TRMT61B: variants seen among roughly 807,000 people sequenced by gnomAD.
TRMT61B encodes the protein tRNA methyltransferase 61B.
A neutral mutation model predicts 52.0 loss-of-function variants in TRMT61B; 56 were observed. The observed-to-expected ratio is 1.08, with a 90% confidence interval of 0.87 to 1.35. The LOEUF is 1.35. TRMT61B is among the 40% of genes most tolerant of loss of function. TRMT61B has a pLI of 0.00. For missense variants in TRMT61B, 650 were observed against 577.9 expected, an observed-to-expected ratio of 1.12 and a Z score of -1.28; for synonymous variants, 206 against 220.0, an observed-to-expected ratio of 0.94 and a Z score of 0.56.
chr2:28,851,894 A>G (rs1484545706), intron 4 of TRMT61B, among the ~76,000 whole-genome samples: 4 of 149,440 alleles, frequency 2.7e-5, no homozygotes, highest in Non-Finnish European at 5.9e-5. Flanking sequence ...AAAAAAAAAA[A>G]AAAAAAACGA....
Position 28,869,789 on chromosome 2 carries a change from C to T in TRMT61B, c.489G>A (p.Glu163=). 6.2e-7 allele frequency: 1 copy of T among 1,614,176 alleles called. No individual in the cohort carries two copies. Among genetic ancestry groups the T allele is most frequent in the Non-Finnish European group, 8.5e-7 (1 of 1,180,018 alleles). Residue 163 remains glutamate (E), a synonymous_variant, in exon 1 of 7, where the codon GAG becomes GAA. Coordinates refer to ENST00000306108, the MANE Select transcript of TRMT61B (RefSeq NM_017910.4). ...ATAATTTCTTAAATTTTGTTTCTCCCTCCCCAGTCTCAGCTAAAATCAGTT... is the reference window on the plus strand; with the variant it reads ...ATAATTTCTTAAATTTTGTTTCTCCTTCCCCAGTCTCAGCTAAAATCAGTT... ...AGELILAETG[E]GETKFKKLFR...
chr2:28,866,424 T>C (rs1382874034), intron 1 of TRMT61B, among the ~76,000 whole-genome samples: 1 of 152,212 alleles, frequency 6.6e-6, no homozygotes, highest in East Asian at 1.9e-4. Flanking sequence ...TGGGATGAAA[T>C]TGTTCCACCT....
chr2:28,852,373 G>T, intron 4 of TRMT61B, 35 bp downstream of exon 4: 67 of 1,055,190 alleles, frequency 6.3e-5, no homozygotes, highest in Non-Finnish European at 8.4e-5. Flanking sequence ...GCACTTAAAA[G>T]TTACATTACA....
chr2:28,862,476 G>T (rs1400353797), intron 2 of TRMT61B, among the ~76,000 whole-genome samples: 1 of 150,960 alleles, frequency 6.6e-6, no homozygotes, highest in African/African-American at 2.4e-5. Flanking sequence ...GGGACGACAG[G>T]TGTGTGCCAC....
Position 28,851,282 on chromosome 2 carries a change from C to T in TRMT61B, c.1102G>A (p.Glu368Lys). ...VYVVNITQVI[E>K]LLDGIRTCEL... ...CAGGTGCGAATTCCATCTAAAAGTT[C>T]AATAACCTGTGTGATGCTTTCAGAA... Residue 368 changes from glutamate (E) to lysine (K), a missense_variant, in exon 5 of 7, where the codon GAA (glutamate) becomes AAA (lysine). Transcript: ENST00000306108. The T allele has an allele frequency of 6.2e-7, 1 of 1,610,656 alleles. No individual in the cohort carries two copies. Among genetic ancestry groups the T allele is most frequent in the Non-Finnish European group, 8.5e-7 (1 of 1,178,634 alleles).
Position 28,849,866 on chromosome 2 carries a change from A to G in TRMT61B, c.*333T>C, listed in dbSNP as rs2148113888. 7 of 1,573,032 alleles carry G rather than the reference A, an allele frequency of 4.4e-6. No homozygotes were observed. The highest frequency in any genetic ancestry group is 2.0e-5 in the Admixed American group (1 of 50,904). On this transcript the variant is annotated 3_prime_UTR_variant, in exon 7 of 7. Coordinates refer to ENST00000306108, the MANE Select transcript of TRMT61B (RefSeq NM_017910.4). ...TTATTTCAGTAGTCAATGACCATCAATCAAATAAAGGAAAGAAAACTAATT... is the reference window on the plus strand; with the variant it reads ...TTATTTCAGTAGTCAATGACCATCAGTCAAATAAAGGAAAGAAAACTAATT...
rs1669596287 is a variant in TRMT61B, at chr2:28,861,481, A to G, written c.803-173T>C. 5.2e-6 allele frequency: 3 copies of G among 572,970 alleles called. No individual in the cohort carries two copies. In the Admixed American group the frequency reaches 1.0e-4, roughly 20 times the overall value. The allele number at this position is 572,970 out of a possible 1,614,324, so 35.5% of individuals were successfully genotyped here. A position where few individuals can be genotyped will look rare whatever the true frequency, so the allele number is the denominator to read the frequency against. On this transcript the variant is annotated intron_variant, in intron 2 of 6. Coordinates refer to ENST00000306108, the MANE Select transcript of TRMT61B (RefSeq NM_017910.4). ...CCAATTAATCTCCCTCCCTCTTCAG[A>G]GGCAACCACATTACCAGCTATTTAC...
At position 28,870,059 on chromosome 2, in the gene TRMT61B, G is replaced by A. The variant is rs1307533661; in HGVS notation, c.219C>T (p.Ser73=). The change falls in exon 1 of 7, where the codon AGC becomes AGT. Residue 73 remains serine, a synonymous_variant. Transcript: ENST00000306108. The part of the protein sequence containing the change: ...GAESCPSLPL[S]ISDIGTGCLS... ...GACATCCAGTCCCAATGTCCGAGAT[G>A]CTCAGAGGGAGAGATGGGCAAGACT... 1.9e-6 allele frequency: 3 copies of A among 1,613,658 alleles called. No homozygotes were observed. Among genetic ancestry groups the A allele is most frequent in the African/African-American group, 1.3e-5 (1 of 74,932 alleles).
intron 2 of TRMT61B, among the ~76,000 whole-genome samples, chr2:28,863,368 C>T (rs1669688613): frequency 6.7e-6 from 1 of 149,426 alleles, no homozygotes; most frequent in African/African-American, 2.5e-5. Context: ...AGGGTCAAGG[C>T]TGTAGTGAGC....
rs1311730154 is a variant in TRMT61B, at chr2:28,850,201, A to G, written c.1432T>C (p.Ter478ArgextTer21). ...TCAGTTACTGTCATCTGGAGTACTC[A>G]GTTAAGTTGTGGTTTGACCTTCCTC... ...KLRKVKPQLN* is the reference protein window; with the variant it reads ...KLRKVKPQLNR Residue 478 changes from the stop codon to arginine (R), a stop_lost, in exon 7 of 7, where the codon TGA (stop) becomes CGA (arginine). Coordinates refer to ENST00000306108, the MANE Select transcript of TRMT61B (RefSeq NM_017910.4). 6.2e-7 allele frequency: 1 copy of G among 1,611,282 alleles called. No homozygotes were observed.
chr2:28,855,734 C>T (rs534279897), intron 3 of TRMT61B, among the ~76,000 whole-genome samples: 3 of 152,166 alleles, frequency 2.0e-5, no homozygotes, highest in African/African-American at 7.2e-5. Context: ...TTTGGGAGGC[C>T]GAGGCGGGTG....
rs13009816 is a variant in TRMT61B at position 28,859,012 on chromosome 2, G to A, written c.993+2106C>T. Reference sequence around the variant, plus strand: ...CAGGTTCAAGCGATTCTCCTGACTCGGCCTCCCAAGTAGCTGGGATTGTAG... The same window carrying A: ...CAGGTTCAAGCGATTCTCCTGACTCAGCCTCCCAAGTAGCTGGGATTGTAG... On this transcript the variant is annotated intron_variant, in intron 3 of 6. Transcript: ENST00000306108. 2.8e-3 allele frequency among the ~76,000 whole-genome samples: 425 copies of A among 149,712 alleles called. 1 individual carries two copies. Among genetic ancestry groups the A allele is most frequent in the Non-Finnish European group, 5.0e-3 (335 of 67,336 alleles).
Position 28,869,817 on chromosome 2 carries a change from C to G in TRMT61B, c.461G>C (p.Gly154Ala), listed in dbSNP as rs1572561176. 5.0e-6 allele frequency: 8 copies of G among 1,614,162 alleles called. No homozygotes were observed. In the East Asian group the frequency reaches 1.8e-4, roughly 36 times the overall value. Residue 154 changes from glycine to alanine, a missense_variant, in exon 1 of 7, where the codon GGG becomes GCG. By Grantham distance (60) the Gly-to-Ala change is moderately conservative. Coordinates refer to ENST00000306108, the MANE Select transcript of TRMT61B (RefSeq NM_017910.4). The part of the protein sequence containing the change: ...STSRERPFQA[G>A]ELILAETGEG... The stretch of plus-strand genomic sequence containing the variant: ...CCCAGTCTCAGCTAAAATCAGTTCC[C>G]CAGCCTGAAAGGGTCTCTCTCTGGA...
At chr2:28,863,791 G>C (rs1448531709) in intron 2 of TRMT61B, among the ~76,000 whole-genome samples, 1 of 152,092 alleles carries the variant, frequency 6.6e-6, no homozygotes, top group Non-Finnish European at 1.5e-5. Flanking sequence ...TTAGGTCAAA[G>C]AACAAAAGGT....
At chr2:28,851,736 G>A (rs187604669) in intron 4 of TRMT61B, among the ~76,000 whole-genome samples, 10 of 151,364 alleles carry the variant, frequency 6.6e-5, no homozygotes, top group African/African-American at 1.5e-4. Context: ...AAAATTAGCC[G>A]GGTGTGGTGG....
chr2:28,869,929 GGT>G lies in TRMT61B; in HGVS notation c.347_348del (p.His116ProfsTer44), dbSNP rs1670012568. On this transcript the variant is annotated frameshift_variant, in exon 1 of 7. Coordinates refer to ENST00000306108, the MANE Select transcript of TRMT61B (RefSeq NM_017910.4). LOFTEE classifies it high-confidence loss of function. ...AGCATCGAAGGATCCTCGGATCCCT[GGT>G]GTGTGGGACCGCACCGGCCCTGGTC... ...SGDQGRCGPT[H>X]QGSEDPSMLS... is the part of the protein sequence containing the mutation. The G allele has an allele frequency of 1.9e-6, 3 of 1,613,834 alleles. No individual in the cohort carries two copies. The East Asian group carries it at 6.7e-5, about 36-fold the overall frequency.
chr2:28,862,414 C>T (rs543809001), intron 2 of TRMT61B, among the ~76,000 whole-genome samples: 342 of 142,418 alleles, frequency 2.4e-3, no homozygotes, highest in African/African-American at 8.7e-3. Context: ...CTCACGGCAA[C>T]CCCCACCTCC....
At chr2:28,856,195 T>C (rs1669332682) in intron 3 of TRMT61B, among the ~76,000 whole-genome samples, 1 of 152,208 alleles carries the variant, frequency 6.6e-6, no homozygotes, top group Non-Finnish European at 1.5e-5. Flanking sequence ...TTTTCTTTTT[T>C]CAAAGCCTAA....
At chr2:28,854,653 T>C (rs371982244) in intron 3 of TRMT61B, among the ~76,000 whole-genome samples, 1 of 140,338 alleles carries the variant, frequency 7.1e-6, no homozygotes, top group East Asian at 2.2e-4. Flanking sequence ...GGCAGGAGAA[T>C]AGCTTGAACC....
Sources: gnomAD v4.1 joint callset for allele counts (sites outside exome capture counted in the v4.1 genomes callset) on GRCh38, gnomAD v4.1.1 for gene constraint, MANE v1.5 for transcripts, NCBI Gene and HGNC (gene_info 2026-07-23, HGNC 2026-07-21) for gene names.